FAM24B: variants seen among roughly 807,000 people sequenced by gnomAD.
The protein encoded by FAM24B is family with sequence similarity 24 member B.
In FAM24B, 3 loss-of-function variants were observed where a neutral mutation model predicts 2.3. That is an observed-to-expected ratio of 1.29 (90% CI 0.59 to 3.32). The LOEUF (loss-of-function observed/expected upper bound fraction) is 3.32, where lower values mean the gene tolerates loss of function less well. FAM24B is among the 30% of genes most tolerant of loss of function. The pLI is 0.03. For synonymous variants in FAM24B, 36 were observed against 46.3 expected (o/e 0.78, Z 0.90); for missense variants, 98 against 117.2 (o/e 0.84, Z 0.76).
At chr10:122,858,466 T>C (rs1289416569) in intron 1 of FAM24B, among the ~76,000 whole-genome samples, 2 of 151,552 alleles carry the variant, frequency 1.3e-5, no homozygotes, top group Non-Finnish European at 2.9e-5. Context: ...GACGAGTTAA[T>C]GGGTGCAGCA....
rs80215737 is a variant in FAM24B at position 122,849,510 on chromosome 10, G to T, written c.93-71C>A. 1.6e-3 allele frequency: 2,265 copies of T among 1,389,478 alleles called. 39 individuals are homozygous for T. In the African/African-American group the frequency reaches 0.028, roughly 17 times the overall value. The allele number at this position is 1,389,478 out of a possible 1,614,324, so 86.1% of individuals were successfully genotyped here. A position where few individuals can be genotyped will look rare whatever the true frequency, so the allele number is the denominator to read the frequency against. ...TCAGCCCTTTTGTTAGAACTGTTGG[G>T]GGGTATCTGGGGAGTTTAGTGCTGA... On this transcript the variant is annotated intron_variant, in intron 3 of 3. Coordinates refer to ENST00000368898, the MANE Select transcript of FAM24B (RefSeq NM_152644.3).
intron 1 of FAM24B, among the ~76,000 whole-genome samples, chr10:122,866,966 T>C (rs144774048): frequency 4.1e-4 from 62 of 152,310 alleles, no homozygotes; most frequent in African/African-American, 1.4e-3. Context: ...CTAGGCCTCT[T>C]GCATGAAACA....
At chr10:122,870,336 C>T (rs1263528857) in intron 1 of FAM24B, among the ~76,000 whole-genome samples, 2 of 152,156 alleles carry the variant, frequency 1.3e-5, no homozygotes, top group East Asian at 1.9e-4. Flanking sequence ...GATGGATTCA[C>T]AGCCGAATTC....
intron 3 of FAM24B, among the ~76,000 whole-genome samples, chr10:122,850,034 A>T (rs1480581156): frequency 1.3e-5 from 2 of 152,152 alleles, no homozygotes; most frequent in African/African-American, 4.8e-5. Flanking sequence ...CATGAGCACA[A>T]GGCAGAGCTC....
At chr10:122,871,002 G>C (rs1847888484) in intron 1 of FAM24B, among the ~76,000 whole-genome samples, 1 of 152,192 alleles carries the variant, frequency 6.6e-6, no homozygotes, top group African/African-American at 2.4e-5. Flanking sequence ...AATTGTCCCT[G>C]TTTGCAGAGG....
intron 1 of FAM24B, among the ~76,000 whole-genome samples, chr10:122,862,341 G>A (rs1430960050): frequency 6.6e-6 from 1 of 152,000 alleles, no homozygotes; most frequent in East Asian, 1.9e-4. Context: ...ATGACAACAT[G>A]GACCGTCTCT....
chr10:122,862,896 T>G (rs1278416897), intron 1 of FAM24B, among the ~76,000 whole-genome samples: 1 of 152,002 alleles, frequency 6.6e-6, no homozygotes. Flanking sequence ...GAAGGTATAT[T>G]CCCACTCACT....
At chr10:122,855,372 G>C (rs1847620649) in intron 2 of FAM24B, 1 of 152,064 alleles carries the variant, frequency 6.6e-6, no homozygotes, top group South Asian at 2.1e-4. Context: ...AAGAACCAAA[G>C]AGAAAAAACT....
chr10:122,877,715 A>G (rs1847998483), intron 1 of FAM24B, among the ~76,000 whole-genome samples: 1 of 152,238 alleles, frequency 6.6e-6, no homozygotes, highest in Non-Finnish European at 1.5e-5. Flanking sequence ...CCAAAAGCCC[A>G]AGAATAATCA....
At chr10:122,862,441 A>T (rs962728873) in intron 1 of FAM24B, among the ~76,000 whole-genome samples, 11 of 152,242 alleles carry the variant, frequency 7.2e-5, no homozygotes, top group Non-Finnish European at 1.2e-4. Context: ...GAGAAAAAAG[A>T]AAAGTAAATA....
At chr10:122,879,267 T>C (rs1848035499) in intron 1 of FAM24B, among the ~76,000 whole-genome samples, 1 of 152,250 alleles carries the variant, frequency 6.6e-6, no homozygotes, top group South Asian at 2.1e-4. Flanking sequence ...GTTCAATATC[T>C]ACCTCAACTC....
At chr10:122,858,575 T>C (rs572325396) in intron 1 of FAM24B, among the ~76,000 whole-genome samples, 1 of 152,050 alleles carries the variant, frequency 6.6e-6, no homozygotes, top group African/African-American at 2.4e-5. Flanking sequence ...AGAGTGTCAC[T>C]GTGCCCCTGC....
At chr10:122,862,479 T>C (rs1028945357) in intron 1 of FAM24B, among the ~76,000 whole-genome samples, 3 of 152,216 alleles carry the variant, frequency 2.0e-5, no homozygotes, top group Non-Finnish European at 2.9e-5. Flanking sequence ...TGATTGTCTA[T>C]ACGTGGTTGG....
At chr10:122,857,345 C>G (rs1847657509) in intron 1 of FAM24B, among the ~76,000 whole-genome samples, 1 of 152,198 alleles carries the variant, frequency 6.6e-6, no homozygotes, top group Non-Finnish European at 1.5e-5. Context: ...TGGGGGTCAT[C>G]AGAGAACTTT....
At chr10:122,863,540 T>G (rs1044558493) in intron 1 of FAM24B, among the ~76,000 whole-genome samples, 1 of 152,250 alleles carries the variant, frequency 6.6e-6, no homozygotes, top group African/African-American at 2.4e-5. Context: ...AACAGTTTTC[T>G]ATTTATTTTT....
rs371071050 is a variant in FAM24B at position 122,858,839 on chromosome 10, A to G, written c.-177-3053T>C. Among the ~76,000 whole-genome samples, 19 of 152,312 alleles carry G rather than the reference A, an allele frequency of 1.2e-4. No individual in the cohort carries two copies. The East Asian group carries it at 3.7e-3, about 29-fold the overall frequency. ...CCAGAGACTACAGAGGGAGCATGCT[A>G]AGGCTTCAGGGCACCCCACCCTCCC... On this transcript the variant is annotated intron_variant, in intron 1 of 3. Transcript: ENST00000368898.
intron 1 of FAM24B, among the ~76,000 whole-genome samples, chr10:122,871,350 G>A (rs1847895144): frequency 6.6e-6 from 1 of 152,176 alleles, no homozygotes; most frequent in African/African-American, 2.4e-5. Context: ...TTGTGCAAAT[G>A]GCCATACTAC....
chr10:122,849,901 G>A lies in FAM24B; in HGVS notation c.93-462C>T, dbSNP rs1025454281. On this transcript the variant is annotated intron_variant, in intron 3 of 3. Coordinates refer to ENST00000368898, the MANE Select transcript of FAM24B (RefSeq NM_152644.3). ...CCACTGTTCCCCAGGTTTTTCACACGGTTCAGCTGTCCCTGAGATCTAGAG... is the reference window on the plus strand; with the variant it reads ...CCACTGTTCCCCAGGTTTTTCACACAGTTCAGCTGTCCCTGAGATCTAGAG... 3.9e-4 allele frequency among the ~76,000 whole-genome samples: 59 copies of A among 152,080 alleles called. 1 individual carries two copies. The highest frequency in any genetic ancestry group is 1.4e-3 in the African/African-American group (58 of 41,382).
intron 1 of FAM24B, among the ~76,000 whole-genome samples, chr10:122,868,676 C>T (rs1385891762): frequency 6.6e-6 from 1 of 152,092 alleles, no homozygotes; most frequent in Admixed American, 6.5e-5. Flanking sequence ...TCATATCCAG[C>T]CAAACTAAGC....
Sources: allele counts gnomAD v4.1 joint callset (sites outside exome capture counted in the v4.1 genomes callset), GRCh38; gene constraint gnomAD v4.1.1; transcripts MANE v1.5; gene names NCBI Gene and HGNC (gene_info 2026-07-23, HGNC 2026-07-21).